TAFA2: variants seen among roughly 807,000 people sequenced by gnomAD.
The protein encoded by TAFA2 is chemokine-like protein TAFA-2.
In TAFA2, 7 loss-of-function variants were observed where a neutral mutation model predicts 18.8. That is an observed-to-expected ratio of 0.37 (90% confidence interval 0.21 to 0.70). The LOEUF is 0.70. Ranked by LOEUF, TAFA2 falls within the 30% of genes least tolerant of loss-of-function variation. TAFA2 has a pLI of 0.53. For synonymous variants in TAFA2, 60 were observed against 54.2 expected (o/e 1.11, Z -0.47); for missense variants, 122 against 158.1 (o/e 0.77, Z 1.23).
chr12:62,204,850 C>T (rs1420283432), intron 1 of TAFA2, among the ~76,000 whole-genome samples: 1 of 152,176 alleles, frequency 6.6e-6, no homozygotes, highest in Non-Finnish European at 1.5e-5. Context: ...TCAGCTTCCA[C>T]CCAGTTCTAT....
intron 1 of TAFA2, among the ~76,000 whole-genome samples, chr12:62,047,491 A>T (rs1367568272): frequency 6.6e-6 from 1 of 152,188 alleles, no homozygotes; most frequent in Non-Finnish European, 1.5e-5. Context: ...AGAGGAAACA[A>T]CTTCAGAAAT....
chr12:61,862,226 T>G (rs912596994), intron 2 of TAFA2, among the ~76,000 whole-genome samples: 1 of 152,200 alleles, frequency 6.6e-6, no homozygotes, highest in Non-Finnish European at 1.5e-5. Flanking sequence ...CCTAATGTAA[T>G]TGCTTCCAAG....
chr12:61,877,012 G>A (rs1279623324), intron 1 of TAFA2, among the ~76,000 whole-genome samples: 3 of 151,984 alleles, frequency 2.0e-5, no homozygotes, highest in East Asian at 1.9e-4. Context: ...ATACTTTAAC[G>A]AGCTGTCTTT....
At chr12:61,935,095 T>C (rs538351154) in intron 1 of TAFA2, among the ~76,000 whole-genome samples, 1 of 152,290 alleles carries the variant, frequency 6.6e-6, no homozygotes, top group Non-Finnish European at 1.5e-5. Context: ...AAAAGAACTG[T>C]GAAGTGCTAT....
At chr12:61,748,668 T>C (rs549160903) in intron 4 of TAFA2, among the ~76,000 whole-genome samples, 1 of 152,206 alleles carries the variant, frequency 6.6e-6, no homozygotes, top group East Asian at 1.9e-4. Flanking sequence ...CCTGAGGCTT[T>C]AATCAGCAAA....
At chr12:62,256,039 C>T (rs1033435127) in intron 1 of TAFA2, among the ~76,000 whole-genome samples, 4 of 152,112 alleles carry the variant, frequency 2.6e-5, no homozygotes, top group South Asian at 2.1e-4. Context: ...GAGGCTGAGG[C>T]GGGCAGATCG....
rs548448779 is a variant in TAFA2, at chr12:61,997,191, G to A, written c.-1-129765C>T. ...TATGTGTGTGTGTGTGTGTGTGTGT[G>A]TATATATATATATATAACCCATTAA... is the stretch of plus-strand genomic sequence containing the variant. On this transcript the variant is annotated intron_variant, in intron 1 of 4. Transcript: ENST00000416284. Among the ~76,000 whole-genome samples the A allele has an allele frequency of 2.4e-3, 368 of 150,704 alleles. 4 individuals are homozygous for A. Among genetic ancestry groups the A allele is most frequent in the African/African-American group, 7.7e-3 (316 of 41,162 alleles).
At chr12:62,254,417 G>A (rs1458867772) in intron 1 of TAFA2, among the ~76,000 whole-genome samples, 1 of 152,080 alleles carries the variant, frequency 6.6e-6, no homozygotes, top group Non-Finnish European at 1.5e-5. Flanking sequence ...ACTCTAAAAT[G>A]CATACTATTT....
chr12:62,180,605 T>G (rs1271613442), intron 1 of TAFA2, among the ~76,000 whole-genome samples: 3 of 152,206 alleles, frequency 2.0e-5, no homozygotes, highest in Non-Finnish European at 4.4e-5. Flanking sequence ...GTCAAAGAGT[T>G]TTAATTTTGT....
chr12:61,957,626 C>T (rs1162936639), intron 1 of TAFA2, among the ~76,000 whole-genome samples: 1 of 152,012 alleles, frequency 6.6e-6, no homozygotes, highest in Non-Finnish European at 1.5e-5. Context: ...GGACTGGGGA[C>T]AAGGTCAAGG....
At chr12:61,799,598 G>A (rs113987893) in intron 2 of TAFA2, among the ~76,000 whole-genome samples, 2,693 of 152,182 alleles carry the variant, frequency 0.018, 74 homozygotes, top group African/African-American at 0.06. Flanking sequence ...CGAGGCGGGC[G>A]GATCACGAAG....
chr12:61,812,097 C>T (rs939576018), intron 2 of TAFA2, among the ~76,000 whole-genome samples: 2 of 151,358 alleles, frequency 1.3e-5, no homozygotes, highest in African/African-American at 4.9e-5. Flanking sequence ...CTATGTGACA[C>T]TTAGCAGCAT....
At position 61,708,277 on chromosome 12, in the gene TAFA2, T is replaced by C. The variant is rs1237300175; in HGVS notation, c.*2129A>G. The C allele has an allele frequency of 6.6e-6, 1 of 152,152 alleles. No individual in the cohort carries two copies. Among genetic ancestry groups the C allele is most frequent in the Non-Finnish European group, 1.5e-5 (1 of 67,990 alleles). The allele number at this position is 152,152 out of a possible 1,614,324, so 9.4% of individuals were successfully genotyped here. On this transcript the variant is annotated 3_prime_UTR_variant, in exon 5 of 5. Transcript: ENST00000416284. ...TATGTAATTTATGAAAGAGAGTCCA[T>C]TTTATATCCCAATTTTATTCACCTT...
At chr12:61,884,333 A>T (rs1437731740) in intron 1 of TAFA2, among the ~76,000 whole-genome samples, 1 of 152,298 alleles carries the variant, frequency 6.6e-6, no homozygotes, top group Non-Finnish European at 1.5e-5. Flanking sequence ...TGTAAAATCT[A>T]TACAAACCCT....
At chr12:62,059,486 C>A (rs962040873) in intron 1 of TAFA2, among the ~76,000 whole-genome samples, 1 of 151,674 alleles carries the variant, frequency 6.6e-6, no homozygotes, top group African/African-American at 2.4e-5. Flanking sequence ...CAGGTAACAA[C>A]TACTGTGAAG....
chr12:62,010,648 C>T (rs1880709637), intron 1 of TAFA2, among the ~76,000 whole-genome samples: 1 of 151,970 alleles, frequency 6.6e-6, no homozygotes, highest in African/African-American at 2.4e-5. Flanking sequence ...CTCTGCCCGG[C>T]CGCCCTTACT....
rs114382689 is a variant in TAFA2 at position 61,909,429 on chromosome 12, G to A, written c.-1-42003C>T. On this transcript the variant is annotated intron_variant, in intron 1 of 4. Coordinates refer to ENST00000416284, the MANE Select transcript of TAFA2 (RefSeq NM_178539.5). Reference sequence around the variant, plus strand: ...GGAACTTATCATCATATGGGAAAATGTCAAGACTGAATCCTGATGCTATCA... The same window carrying A: ...GGAACTTATCATCATATGGGAAAATATCAAGACTGAATCCTGATGCTATCA... Among the ~76,000 whole-genome samples, 308 of 152,312 alleles carry A rather than the reference G, an allele frequency of 2.0e-3. 1 individual carries two copies. Among genetic ancestry groups the A allele is most frequent in the African/African-American group, 7.1e-3 (297 of 41,562 alleles).
chr12:61,776,522 G>T (rs980977095), intron 2 of TAFA2: 1 of 151,880 alleles, frequency 6.6e-6, no homozygotes, highest in Non-Finnish European at 1.5e-5. Flanking sequence ...GAAAGAAGGA[G>T]GGGTCAGGTC....
chr12:62,152,062 T>C (rs375113586), intron 1 of TAFA2, among the ~76,000 whole-genome samples: 2 of 152,150 alleles, frequency 1.3e-5, no homozygotes, highest in South Asian at 2.1e-4. Context: ...ATCTGTAAAA[T>C]ACACAACAGA....
Sources: allele counts gnomAD v4.1 joint callset (sites outside exome capture counted in the v4.1 genomes callset), GRCh38; gene constraint gnomAD v4.1.1; transcripts MANE v1.5; gene names NCBI Gene and HGNC (gene_info 2026-07-23, HGNC 2026-07-21).